ZNF431: variants seen among roughly 807,000 people sequenced by gnomAD.
ZNF431 encodes zinc finger protein 431.
A neutral mutation model predicts 57.0 loss-of-function variants in ZNF431; 34 were observed. The ratio of observed to expected loss-of-function variants is 0.60; its 90% CI spans 0.45 to 0.79. The LOEUF (loss-of-function observed/expected upper bound fraction) is 0.79, where lower values mean the gene tolerates loss of function less well. Ranked by LOEUF, ZNF431 falls within the 30% of genes least tolerant of loss-of-function variation. The pLI, the probability that ZNF431 is intolerant of heterozygous loss-of-function variation, is 0.00. For synonymous variants in ZNF431, 207 were observed against 220.3 expected (o/e 0.94, Z 0.54); for missense variants, 607 against 667.1 (o/e 0.91, Z 0.99).
intron 2 of ZNF431, among the ~76,000 whole-genome samples, chr19:21,153,490 A>G (rs10402142): frequency 0.66 from 91,390 of 138,254 alleles, 28,334 homozygotes; most frequent in Middle Eastern, 0.81. Context: ...AACTATTTCT[A>G]GAGAACACAA....
intron 2 of ZNF431, among the ~76,000 whole-genome samples, chr19:21,156,457 T>C (rs556246716): frequency 7.3e-5 from 11 of 151,256 alleles, no homozygotes; most frequent in Non-Finnish European, 1.6e-4. Flanking sequence ...TGGTGTAGAT[T>C]GTTTTGTCAC....
chr19:21,169,272 A>G (rs1970812731), intron 4 of ZNF431, among the ~76,000 whole-genome samples: 1 of 152,164 alleles, frequency 6.6e-6, no homozygotes, highest in African/African-American at 2.4e-5. Flanking sequence ...CATATGATCC[A>G]CAAACAGCAA....
At chr19:21,146,891 A>G (rs1010208563) in intron 2 of ZNF431, among the ~76,000 whole-genome samples, 4 of 152,100 alleles carry the variant, frequency 2.6e-5, no homozygotes, top group Non-Finnish European at 4.4e-5. Context: ...TCTTTTTCAC[A>G]AGGGCACACT....
intron 4 of ZNF431, among the ~76,000 whole-genome samples, chr19:21,173,524 T>C (rs1970966530): frequency 6.6e-6 from 1 of 152,210 alleles, no homozygotes; most frequent in Admixed American, 6.5e-5. Context: ...TTTATTATTT[T>C]TTATTTTTTG....
At chr19:21,171,146 AT>A (rs1010695881) in intron 4 of ZNF431, among the ~76,000 whole-genome samples, 11 of 152,150 alleles carry the variant, frequency 7.2e-5, no homozygotes, top group Admixed American at 7.2e-4. Flanking sequence ...AATTTATCAT[AT>A]TTTTTACATG....
intron 2 of ZNF431, 55 bp downstream of exon 2, chr19:21,143,698 G>A (rs1970005405): frequency 3.0e-6 from 4 of 1,343,876 alleles, no homozygotes; most frequent in Non-Finnish European, 4.3e-6. Flanking sequence ...TCATTTCTTG[G>A]GGACACATTG....
chr19:21,167,618 A>C lies in ZNF431; in HGVS notation c.271A>C (p.Lys91Gln), dbSNP rs774312871. Residue 91 changes from lysine (K) to glutamine (Q), a missense_variant, in exon 4 of 5, where the codon AAA (lysine) becomes CAA (glutamine). Lys to Gln is a moderately conservative substitution (Grantham distance 53, BLOSUM62 1). Transcript: ENST00000311048. ...CCCAGTCACCTGTCTGGAGCAAGAA[A>C]AAGAGCCCTGGAATATGAAGAGACA... ...QDPVTCLEQE[K>Q]EPWNMKRHEM... is the part of the protein sequence containing the mutation. 6 of 1,591,568 alleles carry C rather than the reference A, an allele frequency of 3.8e-6. No individual in the cohort carries two copies. Among genetic ancestry groups the C allele is most frequent in the Non-Finnish European group, 5.1e-6 (6 of 1,168,672 alleles).
Position 21,188,185 on chromosome 19 carries a change from G to A in ZNF431, c.*4151G>A, listed in dbSNP as rs1472413540. ...AGGGAGCAGAATCGCTTGAACCTGGGAGGTAGAGGTTGCGGTGAGCCGAGA... is the reference window on the plus strand; with the variant it reads ...AGGGAGCAGAATCGCTTGAACCTGGAAGGTAGAGGTTGCGGTGAGCCGAGA... On this transcript the variant is annotated 3_prime_UTR_variant, in exon 5 of 5. Coordinates refer to ENST00000311048, the MANE Select transcript of ZNF431 (RefSeq NM_133473.4). The A allele has an allele frequency of 1.3e-5, 2 of 151,868 alleles. No individual in the cohort carries two copies. Among genetic ancestry groups the A allele is most frequent in the African/African-American group, 2.4e-5 (1 of 41,290 alleles). The allele number at this position is 151,868 out of a possible 1,614,324, so 9.4% of individuals were successfully genotyped here.
chr19:21,189,667 T>C lies in ZNF431; in HGVS notation c.*5633T>C, dbSNP rs1971464703. Reference sequence around the variant, plus strand: ...TTATTTCACAAACATGTTTCCAGCCTTCCATTTCTTATAAATAACTTGCAT... The same window carrying C: ...TTATTTCACAAACATGTTTCCAGCCCTCCATTTCTTATAAATAACTTGCAT... On this transcript the variant is annotated 3_prime_UTR_variant, in exon 5 of 5. Transcript: ENST00000311048. 6.0e-6 allele frequency: 2 copies of C among 335,058 alleles called. No homozygotes were observed. Among genetic ancestry groups the C allele is most frequent in the Non-Finnish European group, 1.1e-5 (2 of 188,436 alleles). 20.8% of individuals were successfully genotyped at this position (335,058 alleles called of 1,614,324 possible). A position where few individuals can be genotyped will look rare whatever the true frequency, so the allele number is the denominator to read the frequency against.
intron 2 of ZNF431, among the ~76,000 whole-genome samples, chr19:21,166,005 TTGTC>T (rs1353048895): frequency 6.6e-6 from 1 of 152,218 alleles, no homozygotes; most frequent in African/African-American, 2.4e-5. Context: ...ATGTTTTTCT[TTGTC>T]TGAAAAATAT....
At position 21,188,177 on chromosome 19, in the gene ZNF431, GA is replaced by G; in HGVS notation, c.*4145del. 6.6e-6 allele frequency: 1 copy of G among 151,808 alleles called. No homozygotes were observed. The highest frequency in any genetic ancestry group is 1.9e-4 in the East Asian group (1 of 5,146). 9.4% of individuals were successfully genotyped at this position (151,808 alleles called of 1,614,324 possible). Reference sequence around the variant, plus strand: ...GAAGGCCGAGGGAGCAGAATCGCTTGAACCTGGGAGGTAGAGGTTGCGGTGA... The same window carrying G: ...GAAGGCCGAGGGAGCAGAATCGCTTGACCTGGGAGGTAGAGGTTGCGGTGA... On this transcript the variant is annotated 3_prime_UTR_variant, in exon 5 of 5. Transcript: ENST00000311048.
At chr19:21,172,158 G>A (rs1224286782) in intron 4 of ZNF431, among the ~76,000 whole-genome samples, 1 of 151,326 alleles carries the variant, frequency 6.6e-6, no homozygotes, top group Non-Finnish European at 1.5e-5. Flanking sequence ...GCCAGTCACG[G>A]TGGCTCATGC....
At chr19:21,147,362 G>A (rs555412893) in intron 2 of ZNF431, among the ~76,000 whole-genome samples, 2 of 152,112 alleles carry the variant, frequency 1.3e-5, no homozygotes, top group East Asian at 1.9e-4. Flanking sequence ...GCTGGTGGAC[G>A]CCTGTAATCC....
chr19:21,167,710 C>T (rs753639514), intron 4 of ZNF431, 44 bp downstream of exon 4: 6 of 1,380,850 alleles, frequency 4.3e-6, no homozygotes, highest in African/African-American at 3.0e-5. Context: ...ATGAGAGGTC[C>T]AAAGCTTAAA....
At chr19:21,145,188 A>G (rs1599571369) in intron 2 of ZNF431, among the ~76,000 whole-genome samples, 1 of 152,180 alleles carries the variant, frequency 6.6e-6, no homozygotes, top group East Asian at 1.9e-4. Flanking sequence ...GGAGGTTATG[A>G]AAGGCCCACC....
At chr19:21,151,938 T>C (rs1463913348) in intron 2 of ZNF431, among the ~76,000 whole-genome samples, 1 of 152,280 alleles carries the variant, frequency 6.6e-6, no homozygotes, top group African/African-American at 2.4e-5. Context: ...TGTACACTTT[T>C]GCCAGCATGC....
rs776765419 is a variant in ZNF431, at chr19:21,183,777, G to A, written c.1474G>A (p.Ala492Thr). ...CTACAAATGTGAAGAATGTGGCAAA[G>A]CTTTTAACCGATCCTCAAATCTTAC... ...KPYKCEECGK[A>T]FNRSSNLTKH... is the part of the protein sequence containing the mutation. Residue 492 changes from alanine (A) to threonine (T), a missense_variant, in exon 5 of 5, where the codon GCT (alanine) becomes ACT (threonine). Coordinates refer to ENST00000311048, the MANE Select transcript of ZNF431 (RefSeq NM_133473.4). The A allele has an allele frequency of 1.2e-6, 2 of 1,613,930 alleles. No homozygotes were observed. The highest frequency in any genetic ancestry group is 2.2e-5 in the East Asian group (1 of 44,864).
intron 1 of ZNF431, 41 bp downstream of exon 1, chr19:21,142,227 C>T: frequency 1.9e-6 from 3 of 1,612,818 alleles, no homozygotes; most frequent in Non-Finnish European, 2.5e-6. Context: ...AGGGGAAGGG[C>T]TGGTTGTAAC....
At chr19:21,175,034 G>A (rs1191779526) in intron 4 of ZNF431, among the ~76,000 whole-genome samples, 25 of 151,674 alleles carry the variant, frequency 1.6e-4, no homozygotes, top group Non-Finnish European at 1.5e-5. Flanking sequence ...TGGGATTACA[G>A]GCATGAGCCG....
Sources: gnomAD v4.1 joint callset for allele counts (sites outside exome capture counted in the v4.1 genomes callset) on GRCh38, gnomAD v4.1.1 for gene constraint, MANE v1.5 for transcripts, NCBI Gene and HGNC (gene_info 2026-07-23, HGNC 2026-07-21) for gene names.